NGEF: variants seen among roughly 807,000 people sequenced by gnomAD.
NGEF encodes ephexin-1.
Under a neutral mutation model 80.9 loss-of-function variants are expected in NGEF, and 31 were observed. The observed-to-expected ratio is 0.38, with a 90% CI of 0.29 to 0.52. NGEF has a LOEUF of 0.52. NGEF is among the 20% of genes least tolerant of loss of function. The pLI is 0.84. For synonymous variants in NGEF, 371 were observed against 370.2 expected (o/e 1.00, Z -0.03); for missense variants, 709 against 926.2 (o/e 0.77, Z 3.04).
At chr2:232,976,610 G>T (rs1239040829) in intron 1 of NGEF, among the ~76,000 whole-genome samples, 1 of 152,214 alleles carries the variant, frequency 6.6e-6, no homozygotes, top group Non-Finnish European at 1.5e-5. Context: ...TGTATCAGAA[G>T]GTTTGCCCTA....
chr2:232,902,971 G>C (rs766435703), intron 5 of NGEF, among the ~76,000 whole-genome samples: 1 of 151,694 alleles, frequency 6.6e-6, no homozygotes, highest in East Asian at 1.9e-4. Flanking sequence ...TCCAGCATAA[G>C]TGACAGAGTG....
At chr2:232,964,932 T>C (rs1574641172) in intron 3 of NGEF, among the ~76,000 whole-genome samples, 1 of 152,224 alleles carries the variant, frequency 6.6e-6, no homozygotes, top group African/African-American at 2.4e-5. Flanking sequence ...AATGGAAATG[T>C]TCTATATCTT....
intron 1 of NGEF, among the ~76,000 whole-genome samples, chr2:232,998,640 G>A (rs1322143330): frequency 6.6e-6 from 1 of 152,132 alleles, no homozygotes; most frequent in African/African-American, 2.4e-5. Context: ...GGGCAGTTTG[G>A]GGGCAGGGGC....
chr2:232,928,259 G>T (rs902237142), intron 3 of NGEF: 5 of 762,774 alleles, frequency 6.6e-6, no homozygotes, highest in African/African-American at 1.9e-5. Context: ...CGGGGCGGGG[G>T]CGCCCGGGCT....
rs773087651 is a variant in NGEF, at chr2:232,885,328, G to A, written c.1389C>T (p.Arg463=). The change falls in exon 10 of 15, where the codon CGC becomes CGT. Residue 463 remains arginine (R), a synonymous_variant. Transcript: ENST00000264051. ...TCTGAATGCTGATCATCTGTTCCGT[G>A]CGGCTCATTTTCCTGACGCCCTCGT... ...ACNEGVRKMS[R]TEQMISIQKK... 6.2e-7 allele frequency: 1 copy of A among 1,614,130 alleles called. No homozygotes were observed. The highest frequency in any genetic ancestry group is 8.5e-7 in the Non-Finnish European group (1 of 1,180,026).
intron 3 of NGEF, among the ~76,000 whole-genome samples, chr2:232,960,495 G>A (rs1381446801): frequency 1.3e-5 from 2 of 152,150 alleles, no homozygotes; most frequent in Non-Finnish European, 2.9e-5. Flanking sequence ...CTGGAAAGGG[G>A]AGGTCATGGG....
chr2:232,926,990 C>A (rs1693084120), intron 4 of NGEF, 54 bp downstream of exon 4: 1 of 1,612,114 alleles, frequency 6.2e-7, no homozygotes, highest in South Asian at 1.1e-5. Flanking sequence ...CCCTCAGAGT[C>A]CTCCAGGGAC....
intron 3 of NGEF, among the ~76,000 whole-genome samples, chr2:232,961,610 A>C (rs1693953661): frequency 6.6e-6 from 1 of 152,056 alleles, no homozygotes; most frequent in African/African-American, 2.4e-5. Flanking sequence ...CTCCTGCCTC[A>C]GCCTCCCGAG....
chr2:232,925,440 GGGTAGCAGGA>G (rs749322884), intron 4 of NGEF, among the ~76,000 whole-genome samples: 24 of 152,184 alleles, frequency 1.6e-4, no homozygotes, highest in Non-Finnish European at 2.6e-4. Flanking sequence ...CACCTGCAGG[GGGTAGCAGGA>G]GGAAAGACTC....
At chr2:232,948,177 GTGTGTGTA>G (rs1374682872) in intron 3 of NGEF, among the ~76,000 whole-genome samples, 6 of 150,068 alleles carry the variant, frequency 4.0e-5, no homozygotes, top group East Asian at 2.0e-4. Flanking sequence ...GTGTGTGTGT[GTGTGTGTA>G]TATAATTATT....
chr2:232,999,829 T>C (rs1323633973), intron 1 of NGEF, among the ~76,000 whole-genome samples: 1 of 152,202 alleles, frequency 6.6e-6, no homozygotes, highest in African/African-American at 2.4e-5. Context: ...CACTGGGTCT[T>C]TGTTGAATTC....
chr2:232,905,878 C>T (rs1287569923), intron 5 of NGEF: 5 of 195,444 alleles, frequency 2.6e-5, no homozygotes, highest in South Asian at 5.1e-5. Flanking sequence ...GCAGCCGCCC[C>T]GTCCGGGAGG....
At chr2:232,996,796 C>T (rs533059929) in intron 1 of NGEF, among the ~76,000 whole-genome samples, 1 of 151,648 alleles carries the variant, frequency 6.6e-6, no homozygotes, top group Non-Finnish European at 1.5e-5. Flanking sequence ...CGCCTGGCAT[C>T]GTTTACCCTT....
intron 8 of NGEF, among the ~76,000 whole-genome samples, chr2:232,890,463 C>G (rs1193182280): frequency 6.6e-6 from 1 of 152,182 alleles, no homozygotes; most frequent in Non-Finnish European, 1.5e-5. Context: ...TAATTACCAC[C>G]TTGATGCCAG....
Position 232,977,540 on chromosome 2 carries a change from G to A in NGEF, c.-74-2576C>T, listed in dbSNP as rs560022772. On this transcript the variant is annotated intron_variant, in intron 1 of 14. Coordinates refer to ENST00000264051, the MANE Select transcript of NGEF (RefSeq NM_019850.3). Reference sequence around the variant, plus strand: ...CTTCTCTCTTCTTTCCCCGGCCCCTGTGCCTACCACCTCACCCAAACCCTT... The same window carrying A: ...CTTCTCTCTTCTTTCCCCGGCCCCTATGCCTACCACCTCACCCAAACCCTT... Among the ~76,000 whole-genome samples, 26 of 152,328 alleles carry A rather than the reference G, an allele frequency of 1.7e-4. No individual in the cohort carries two copies. The East Asian group carries it at 4.8e-3, about 28-fold the overall frequency.
At chr2:232,897,996 G>A (rs1692152823) in intron 5 of NGEF, among the ~76,000 whole-genome samples, 1 of 152,222 alleles carries the variant, frequency 6.6e-6, no homozygotes. Context: ...CTGCAGCCCA[G>A]CGCTGACTGG....
intron 5 of NGEF, among the ~76,000 whole-genome samples, chr2:232,917,094 T>C (rs1409628787): frequency 6.6e-6 from 1 of 152,228 alleles, no homozygotes; most frequent in Non-Finnish European, 1.5e-5. Context: ...CATTTAATGA[T>C]AAAAACCAGT....
chr2:232,901,462 TAAC>T (rs1248121237), intron 5 of NGEF: 1 of 984,538 alleles, frequency 1.0e-6, no homozygotes, highest in Non-Finnish European at 1.2e-6. Context: ...ACCCCTGTGT[TAAC>T]AAATCACTGC....
At chr2:232,912,581 T>C (rs564649590) in intron 5 of NGEF, among the ~76,000 whole-genome samples, 1 of 152,298 alleles carries the variant, frequency 6.6e-6, no homozygotes, top group East Asian at 1.9e-4. Context: ...TGGGGAAAAT[T>C]GATACTATTT....
Sources: gnomAD v4.1 joint callset for allele counts (sites outside exome capture counted in the v4.1 genomes callset) on GRCh38, gnomAD v4.1.1 for gene constraint, MANE v1.5 for transcripts, NCBI Gene and HGNC (gene_info 2026-07-23, HGNC 2026-07-21) for gene names.